RAB6A: variants seen among roughly 807,000 people sequenced by gnomAD.
RAB6A encodes RAB6A, member RAS oncogene family, also known as ras-related protein Rab-6A.
Under a neutral mutation model 32.3 loss-of-function variants are expected in RAB6A, and 8 were observed. The observed-to-expected ratio is 0.25, with a 90% confidence interval of 0.15 to 0.45. RAB6A has a LOEUF of 0.45. RAB6A is among the 20% of genes least tolerant of loss of function. RAB6A has a pLI of 1.00. For missense variants in RAB6A, 104 were observed against 249.4 expected (o/e 0.42, Z 3.93); for synonymous variants, 73 against 82.1 (o/e 0.89, Z 0.60).
intron 1 of RAB6A, among the ~76,000 whole-genome samples, chr11:73,747,181 C>T (rs1434809827): frequency 3.3e-5 from 5 of 150,906 alleles, no homozygotes; most frequent in African/African-American, 9.8e-5. Context: ...ACACCTTTTA[C>T]CTGGCTTCCT....
At chr11:73,757,312 T>A (rs1321140533) in intron 1 of RAB6A, among the ~76,000 whole-genome samples, 3 of 149,976 alleles carry the variant, frequency 2.0e-5, no homozygotes, top group Non-Finnish European at 4.4e-5. Flanking sequence ...CATACCTGGA[T>A]AATTTTTGTA....
chr11:73,716,022 A>G lies in RAB6A; in HGVS notation c.401+229T>C, dbSNP rs376373190. ...TGGCTTCATGTCTAAACAAACTTGC[A>G]CAAGAGTTATTTACACATGGGCTTA... On this transcript the variant is annotated intron_variant, in intron 5 of 7. Transcript: ENST00000336083. Among the ~76,000 whole-genome samples, 148 of 152,368 alleles carry G rather than the reference A, an allele frequency of 9.7e-4. 3 individuals carry two copies. The South Asian group carries it at 0.019, about 20-fold the overall frequency.
intron 6 of RAB6A, among the ~76,000 whole-genome samples, chr11:73,693,542 T>C (rs897163671): frequency 2.1e-5 from 3 of 140,972 alleles, no homozygotes; most frequent in South Asian, 2.3e-4. Flanking sequence ...CTGGGCAACA[T>C]AGCAAGACTC....
chr11:73,678,053 T>A, intron 7 of RAB6A, 91 bp from the exon 8 acceptor site: 2 of 1,331,072 alleles, frequency 1.5e-6, no homozygotes, highest in Non-Finnish European at 2.1e-6. Flanking sequence ...TATATTCCTA[T>A]CTGTCTTCAG....
chr11:73,711,688 C>A (rs1945960069), intron 5 of RAB6A, among the ~76,000 whole-genome samples: 1 of 152,128 alleles, frequency 6.6e-6, no homozygotes, highest in African/African-American at 2.4e-5. Flanking sequence ...TTAGATATTG[C>A]CAAAAATCAA....
intron 1 of RAB6A, among the ~76,000 whole-genome samples, chr11:73,738,678 T>C (rs1197114345): frequency 2.0e-5 from 3 of 151,202 alleles, no homozygotes; most frequent in Non-Finnish European, 4.4e-5. Flanking sequence ...ATATCCAATA[T>C]TGAGGCCAGG....
At chr11:73,739,282 A>ATATATAT (rs1289309364) in intron 1 of RAB6A, among the ~76,000 whole-genome samples, 22 of 15,328 alleles carry the variant, frequency 1.4e-3, no homozygotes, top group South Asian at 5.4e-3. Flanking sequence ...AAAAAAAAAA[A>ATATATAT]AAATATATAT....
At chr11:73,731,713 T>TA (rs1946310889) in intron 1 of RAB6A, among the ~76,000 whole-genome samples, 1 of 18,380 alleles carries the variant, frequency 5.4e-5, no homozygotes, top group Admixed American at 7.9e-4. Context: ...TATATATATA[T>TA]ATATATATAT....
intron 1 of RAB6A, among the ~76,000 whole-genome samples, chr11:73,740,829 A>G (rs2134993553): frequency 6.7e-6 from 1 of 150,270 alleles, no homozygotes; most frequent in East Asian, 2.1e-4. Flanking sequence ...CAGAGGTTGC[A>G]GTGAGCCGAG....
intron 6 of RAB6A, among the ~76,000 whole-genome samples, chr11:73,706,375 C>T (rs1199123862): frequency 3.3e-5 from 5 of 151,844 alleles, no homozygotes; most frequent in Non-Finnish European, 5.9e-5. Context: ...ATTAGCCAGG[C>T]GTGATGCAGG....
intron 1 of RAB6A, among the ~76,000 whole-genome samples, chr11:73,737,488 C>G (rs563748208): frequency 2.0e-5 from 3 of 151,616 alleles, no homozygotes; most frequent in Non-Finnish European, 4.4e-5. Context: ...GTTTCTAAAA[C>G]TCATCATCAT....
At chr11:73,725,145 G>A (rs1443730075) in intron 2 of RAB6A, among the ~76,000 whole-genome samples, 2 of 152,132 alleles carry the variant, frequency 1.3e-5, no homozygotes, top group Admixed American at 6.5e-5. Flanking sequence ...AATAAATAAG[G>A]GCATTCCTGC....
chr11:73,715,861 TAAG>T (rs1180305285), intron 5 of RAB6A, among the ~76,000 whole-genome samples: 1 of 152,244 alleles, frequency 6.6e-6, no homozygotes, highest in East Asian at 1.9e-4. Context: ...GAATGTTTTA[TAAG>T]AAGACTACTA....
chr11:73,678,025 C>G, intron 7 of RAB6A, 63 bp from the exon 8 acceptor site: 1 of 1,533,832 alleles, frequency 6.5e-7, no homozygotes, highest in Non-Finnish European at 9.0e-7. Context: ...CAAACACTAG[C>G]ATTTCTGGGA....
intron 7 of RAB6A, among the ~76,000 whole-genome samples, chr11:73,678,761 T>C (rs1413374809): frequency 7.9e-5 from 12 of 151,144 alleles, no homozygotes; most frequent in Non-Finnish European, 1.8e-4. Context: ...GTTTCGATCC[T>C]GTTGCCCAGG....
At chr11:73,731,717 T>TA (rs1946311783) in intron 1 of RAB6A, among the ~76,000 whole-genome samples, 1 of 15,140 alleles carries the variant, frequency 6.6e-5, no homozygotes, top group Non-Finnish European at 1.5e-4. Context: ...TATATATATA[T>TA]ATATATATAT....
chr11:73,739,263 T>TTAAAAAAAAAAAAAAAA (rs1555066890), intron 1 of RAB6A, among the ~76,000 whole-genome samples: 3 of 9,382 alleles, frequency 3.2e-4, no homozygotes, highest in Non-Finnish European at 5.6e-4. Context: ...TAATAATAAT[T>TTAAAAAAAAAAAAAAAA]AAAAAAAAAA....
At chr11:73,743,588 G>A (rs1165831234) in intron 1 of RAB6A, among the ~76,000 whole-genome samples, 1 of 151,864 alleles carries the variant, frequency 6.6e-6, no homozygotes, top group Non-Finnish European at 1.5e-5. Flanking sequence ...GATCACTGCA[G>A]CCTGGGCAAT....
At chr11:73,695,171 A>C (rs1423116642) in intron 6 of RAB6A, among the ~76,000 whole-genome samples, 1 of 152,110 alleles carries the variant, frequency 6.6e-6, no homozygotes, top group African/African-American at 2.4e-5. Context: ...AGGACATCCC[A>C]AAGTGGGCCA....
Sources: gnomAD v4.1 joint callset for allele counts (sites outside exome capture counted in the v4.1 genomes callset) on GRCh38, gnomAD v4.1.1 for gene constraint, MANE v1.5 for transcripts, NCBI Gene and HGNC (gene_info 2026-07-23, HGNC 2026-07-21) for gene names.